MEOX2: variants seen among roughly 807,000 people sequenced by gnomAD.
MEOX2 encodes the protein homeobox protein MOX-2.
Under a neutral mutation model 27.0 loss-of-function variants are expected in MEOX2, and 11 were observed. That is an observed-to-expected ratio of 0.41 (90% CI 0.26 to 0.68). The LOEUF (loss-of-function observed/expected upper bound fraction) is 0.68, where lower values mean the gene tolerates loss of function less well. Among genes scored for constraint, MEOX2 ranks in the 30% least tolerant of loss-of-function variants. The pLI is 0.33. For missense variants in MEOX2, 436 were observed against 385.4 expected, an observed-to-expected ratio of 1.13 and a Z score of -1.10; for synonymous variants, 189 against 155.4, an observed-to-expected ratio of 1.22 and a Z score of -1.61.
At chr7:15,663,036 G>C (rs1230186611) in intron 1 of MEOX2, among the ~76,000 whole-genome samples, 1 of 152,204 alleles carries the variant, frequency 6.6e-6, no homozygotes. Context: ...TACTAACATA[G>C]TGGTCATTCT....
At chr7:15,649,476 C>T (rs888887473) in intron 1 of MEOX2, among the ~76,000 whole-genome samples, 35 of 151,978 alleles carry the variant, frequency 2.3e-4, no homozygotes, top group African/African-American at 7.5e-4. Context: ...CATGAAGTTT[C>T]ACAAGCAAAT....
chr7:15,647,078 T>A (rs530658455), intron 1 of MEOX2, among the ~76,000 whole-genome samples: 1 of 152,046 alleles, frequency 6.6e-6, no homozygotes, highest in Non-Finnish European at 1.5e-5. Context: ...CTCATAAGAC[T>A]CATATATTAG....
chr7:15,628,933 G>C (rs1781357833), intron 1 of MEOX2, among the ~76,000 whole-genome samples: 1 of 152,062 alleles, frequency 6.6e-6, no homozygotes, highest in Non-Finnish European at 1.5e-5. Flanking sequence ...CACGTTCTCA[G>C]GTGAATTGAA....
At chr7:15,625,029 AC>A (rs1369132198) in intron 2 of MEOX2, among the ~76,000 whole-genome samples, 1 of 151,982 alleles carries the variant, frequency 6.6e-6, no homozygotes, top group African/African-American at 2.4e-5. Context: ...ACCGTAGACC[AC>A]CCCCAAAATG....
chr7:15,666,409 T>C (rs1782004498), intron 1 of MEOX2, among the ~76,000 whole-genome samples: 2 of 152,146 alleles, frequency 1.3e-5, no homozygotes, highest in South Asian at 4.1e-4. Flanking sequence ...CAAAGTTTAG[T>C]AACCTTGGAT....
chr7:15,636,491 TG>T (rs1469697742), intron 1 of MEOX2, among the ~76,000 whole-genome samples: 1 of 152,026 alleles, frequency 6.6e-6, no homozygotes, highest in African/African-American at 2.4e-5. Context: ...TAAATTCTTG[TG>T]ATCTGTTACA....
intron 1 of MEOX2, among the ~76,000 whole-genome samples, chr7:15,642,376 A>G (rs1781576008): frequency 6.6e-6 from 1 of 152,026 alleles, no homozygotes; most frequent in Non-Finnish European, 1.5e-5. Flanking sequence ...CAAGCTCTGA[A>G]TTTCATTTTT....
At chr7:15,626,942 T>G (rs763998346) in intron 1 of MEOX2, 24 bp from the exon 2 acceptor site, 1 of 1,603,110 alleles carries the variant, frequency 6.2e-7, no homozygotes. Context: ...GAGACAGAAT[T>G]GGTAATAACT....
In MEOX2 at chr7:15,645,602, G is replaced by A. The variant is rs371417401; in HGVS notation, c.518-18684C>T. ...TTTACAGCTTAAAGCAAACAGAAAT[G>A]TAAAGAATTGGTTGGTAAAAAACAC... is the stretch of plus-strand genomic sequence containing the variant. On this transcript the variant is annotated intron_variant, in intron 1 of 2. Coordinates refer to ENST00000262041, the MANE Select transcript of MEOX2 (RefSeq NM_005924.5). 3.3e-5 allele frequency among the ~76,000 whole-genome samples: 5 copies of A among 152,078 alleles called. No homozygotes were observed. In the East Asian group the frequency reaches 5.8e-4, roughly 18 times the overall value.
intron 1 of MEOX2, among the ~76,000 whole-genome samples, chr7:15,662,552 A>C (rs1443133027): frequency 2.0e-5 from 3 of 152,122 alleles, no homozygotes; most frequent in Non-Finnish European, 2.9e-5. Context: ...AAAATTAAAC[A>C]TATTTTGTAG....
In MEOX2 at chr7:15,626,842, T is replaced by C. The variant is rs750714411; in HGVS notation, c.594A>G (p.Gln198=). ...RKERTAFTKE[Q]IRELEAEFAH... is the part of the protein sequence containing the mutation. Reference sequence around the variant, plus strand: ...CAAATTCTGCTTCAAGTTCTCTGATTTGCTCTTTGGTAAATGCTGTCCTTT... The same window carrying C: ...CAAATTCTGCTTCAAGTTCTCTGATCTGCTCTTTGGTAAATGCTGTCCTTT... Residue 198 remains glutamine (Q), a synonymous_variant, in exon 2 of 3, where the codon CAA becomes CAG. Coordinates refer to ENST00000262041, the MANE Select transcript of MEOX2 (RefSeq NM_005924.5). The C allele has an allele frequency of 1.9e-6, 3 of 1,612,030 alleles. No individual in the cohort carries two copies. The highest frequency in any genetic ancestry group is 2.5e-6 in the Non-Finnish European group (3 of 1,179,350).
In MEOX2 at chr7:15,686,393, G is replaced by T. The variant is rs767352695; in HGVS notation, c.10C>A (p.Pro4Thr). 6.4e-7 allele frequency: 1 copy of T among 1,571,844 alleles called. No individual in the cohort carries two copies. The highest frequency in any genetic ancestry group is 1.9e-5 in the Admixed American group (1 of 53,370). MEH[P>T]LFGCLRSPHA... ...GGGCTGCGCAGGCAGCCAAAGAGCGGGTGTTCCATAGCATGCAAGTTTCGG... is the reference window on the plus strand; with the variant it reads ...GGGCTGCGCAGGCAGCCAAAGAGCGTGTGTTCCATAGCATGCAAGTTTCGG... Residue 4 changes from proline (P) to threonine (T), a missense_variant, in exon 1 of 3, where the codon CCG becomes ACG. By Grantham distance (38) the Pro-to-Thr change is conservative (BLOSUM62 -1). Coordinates refer to ENST00000262041, the MANE Select transcript of MEOX2 (RefSeq NM_005924.5).
chr7:15,636,394 G>A (rs3823871), intron 1 of MEOX2, among the ~76,000 whole-genome samples: 87,595 of 151,834 alleles, frequency 0.58, 26,448 homozygotes, highest in East Asian at 0.76. Context: ...ATGCATAAAG[G>A]TAATGAAATA....
At chr7:15,628,051 A>G (rs1781343152) in intron 1 of MEOX2, among the ~76,000 whole-genome samples, 1 of 152,138 alleles carries the variant, frequency 6.6e-6, no homozygotes, top group Non-Finnish European at 1.5e-5. Context: ...TGATGTAGAA[A>G]GATGATCATT....
intron 1 of MEOX2, among the ~76,000 whole-genome samples, chr7:15,659,531 C>T (rs892651654): frequency 6.6e-6 from 1 of 151,886 alleles, no homozygotes; most frequent in South Asian, 2.1e-4. Flanking sequence ...GAGGCTGAGG[C>T]GGGTGGATCA....
At chr7:15,656,775 C>T (rs989449815) in intron 1 of MEOX2, among the ~76,000 whole-genome samples, 1 of 151,896 alleles carries the variant, frequency 6.6e-6, no homozygotes, top group Non-Finnish European at 1.5e-5. Flanking sequence ...TATAATTTTA[C>T]CCTTGCCATT....
intron 1 of MEOX2, among the ~76,000 whole-genome samples, chr7:15,644,921 C>A (rs1781618786): frequency 6.6e-6 from 1 of 152,138 alleles, no homozygotes; most frequent in Admixed American, 6.5e-5. Flanking sequence ...TAACGGTCAG[C>A]TTCCTAGAGC....
At chr7:15,657,471 A>G (rs370433198) in intron 1 of MEOX2, among the ~76,000 whole-genome samples, 2 of 152,180 alleles carry the variant, frequency 1.3e-5, no homozygotes, top group East Asian at 3.9e-4. Flanking sequence ...CCATCCTGCT[A>G]TTAAGCTCAT....
chr7:15,653,654 T>TATAA (rs1781775193), intron 1 of MEOX2, among the ~76,000 whole-genome samples: 1 of 152,028 alleles, frequency 6.6e-6, no homozygotes, highest in African/African-American at 2.4e-5. Flanking sequence ...TTAATTTTTG[T>TATAA]ATAAGGTCTG....
Sources: allele counts gnomAD v4.1 joint callset (sites outside exome capture counted in the v4.1 genomes callset), GRCh38; gene constraint gnomAD v4.1.1; transcripts MANE v1.5; gene names NCBI Gene and HGNC (gene_info 2026-07-23, HGNC 2026-07-21).